Variants in SMARCA4 observed in about 807,000 individuals in gnomAD.
The protein encoded by SMARCA4 is SWI/SNF related BAF chromatin remodeling complex subunit ATPase 4.
Under a neutral mutation model 193.9 loss-of-function variants are expected in SMARCA4, and 31 were observed. The observed-to-expected ratio is 0.16, with a 90% CI of 0.12 to 0.22. The LOEUF is 0.22. Ranked by LOEUF, SMARCA4 falls within the 10% of genes least tolerant of loss-of-function variation. The pLI, the probability that SMARCA4 is intolerant of heterozygous loss-of-function variation, is 1.00. For missense variants in SMARCA4, 1,148 were observed against 2,296.0 expected, an observed-to-expected ratio of 0.50 and a Z score of 10.22; for synonymous variants, 942 against 933.1, an observed-to-expected ratio of 1.01 and a Z score of -0.17.
rs2072382 is a variant in SMARCA4 at position 11,041,974 on chromosome 19, C to T, written c.4424+414C>T. On this transcript the variant is annotated intron_variant, in intron 30 of 34. Transcript: ENST00000344626. The surrounding 1 kb of genome is among the most constrained non-coding windows in gnomAD (Gnocchi z 5.6). ...GGTTATATGGCAGTAATGGGTGCTG[C>T]CCGTGTGGCCAGGAGGTTGGGGACA... Among the ~76,000 whole-genome samples, 10,542 of 152,126 alleles carry T rather than the reference C, an allele frequency of 0.069. 595 individuals are homozygous for T. Among genetic ancestry groups the T allele is most frequent in the East Asian group, 0.3 (1,565 of 5,156 alleles).
At position 11,027,856 on chromosome 19, in the gene SMARCA4, C is replaced by T. The variant is rs760295801; in HGVS notation, c.3288C>T (p.Asn1096=). 1.9e-6 allele frequency: 3 copies of T among 1,614,142 alleles called. No homozygotes were observed. Among genetic ancestry groups the T allele is most frequent in the Non-Finnish European group, 2.5e-6 (3 of 1,180,008 alleles). ...DRILPKLRAT[N]HKVLLFCQMT... ...TTCTTCCCAAACTCCGAGCAACCAA[C>T]CACAAAGTGCTGCTGTTCTGCCAAA... The change falls in exon 24 of 35, where the codon AAC becomes AAT. Residue 1096 remains asparagine, a synonymous_variant. Coordinates refer to ENST00000344626, the MANE Select transcript of SMARCA4 (RefSeq NM_003072.5).
intron 1 of SMARCA4, among the ~76,000 whole-genome samples, chr19:10,976,737 G>C (rs1411905708): frequency 1.4e-5 from 2 of 147,452 alleles, no homozygotes; most frequent in Non-Finnish European, 3.0e-5. Context: ...CTGGGAGACA[G>C]AGCGAGACCC....
At chr19:10,982,825 CAA>C (rs1164575072) in intron 1 of SMARCA4, among the ~76,000 whole-genome samples, 2 of 152,260 alleles carry the variant, frequency 1.3e-5, no homozygotes, top group East Asian at 1.9e-4. Context: ...CTTTTTAAAT[CAA>C]GAGAATTAAA....
chr19:11,011,676 A>G (rs2088861242), intron 15 of SMARCA4: 1 of 152,232 alleles, frequency 6.6e-6, no homozygotes, highest in African/African-American at 2.4e-5. Flanking sequence ...ACATAGTGAG[A>G]CACTGCCTCT....
intron 16 of SMARCA4, among the ~76,000 whole-genome samples, chr19:11,014,773 A>C (rs1901557248): frequency 6.6e-6 from 1 of 152,088 alleles, no homozygotes. Context: ...TGCTTTAAAA[A>C]ATTTTTTTAA....
Position 11,034,539 on chromosome 19 carries a change from C to T in SMARCA4, c.3951+339C>T, listed in dbSNP as rs922106640. Among the ~76,000 whole-genome samples the T allele has an allele frequency of 3.3e-5, 5 of 152,194 alleles. No homozygotes were observed. The highest frequency in any genetic ancestry group is 2.0e-4 in the Admixed American group (3 of 15,280). ...CCAAGGGACTGACCAGGCCTTCAGTCGCAGAGCCCCCTTGCCCCTGGGTGG... is the reference window on the plus strand; with the variant it reads ...CCAAGGGACTGACCAGGCCTTCAGTTGCAGAGCCCCCTTGCCCCTGGGTGG... On this transcript the variant is annotated intron_variant, in intron 28 of 34. Coordinates refer to ENST00000344626, the MANE Select transcript of SMARCA4 (RefSeq NM_003072.5). This position sits in a 1 kb window ranked among gnomAD's most constrained non-coding sequence, Gnocchi z 7.0.
chr19:11,009,007 C>CTTTTGTTTTTTTT (rs2088532960), intron 14 of SMARCA4, among the ~76,000 whole-genome samples: 1 of 40,948 alleles, frequency 2.4e-5, no homozygotes, highest in Non-Finnish European at 4.1e-5. Flanking sequence ...ATAAAAGTCA[C>CTTTTGTTTTTTTT]TTTTTTTTTT....
rs73500681 is a variant in SMARCA4, at chr19:11,038,698, G to A, written c.4171-2609G>A. ...GGTTCAAGTCACAGCTCTGTCCTCA[G>A]CGCCAGGCACAGTGCCCAGCTCACT... On this transcript the variant is annotated intron_variant, in intron 29 of 34. Transcript: ENST00000344626. Among the ~76,000 whole-genome samples, 310 of 152,318 alleles carry A rather than the reference G, an allele frequency of 2.0e-3. 1 individual carries two copies. The highest frequency in any genetic ancestry group is 7.1e-3 in the African/African-American group (295 of 41,574).
In SMARCA4 at chr19:11,019,249, G is replaced by A. The variant is rs1281902906; in HGVS notation, c.2505+226G>A. Reference sequence around the variant, plus strand: ...GGGAGGAGACAGGAGTGAGCATGGTGGCCAGCACTCAGAGGCCAGCTCAGG... The same window carrying A: ...GGGAGGAGACAGGAGTGAGCATGGTAGCCAGCACTCAGAGGCCAGCTCAGG... On this transcript the variant is annotated intron_variant, in intron 17 of 34. Coordinates refer to ENST00000344626, the MANE Select transcript of SMARCA4 (RefSeq NM_003072.5). This position sits in a 1 kb window ranked among gnomAD's most constrained non-coding sequence, Gnocchi z 6.1. 1 of 634,814 alleles carries A rather than the reference G, an allele frequency of 1.6e-6. No individual in the cohort carries two copies. Among genetic ancestry groups the A allele is most frequent in the East Asian group, 2.7e-5 (1 of 36,420 alleles). The allele number at this position is 634,814 out of a possible 1,614,324, so 39.3% of individuals were successfully genotyped here.
chr19:10,984,340 G>T lies in SMARCA4; in HGVS notation c.189G>T (p.Gly63=), dbSNP rs1555751018. Residue 63 remains glycine (G), a synonymous_variant, in exon 2 of 35, where the codon GGG becomes GGT. Transcript: ENST00000344626. The surrounding 1 kb of genome is among the most constrained non-coding windows in gnomAD (Gnocchi z 4.3). ...GHPIPTQGPG[G]YPQDNMHQMH... is the part of the protein sequence containing the mutation. ...CCATCCCCACCCAGGGGCCTGGAGG[G>T]TACCCTCAGGACAACATGCACCAGA... 6.3e-7 allele frequency: 1 copy of T among 1,596,980 alleles called. No individual in the cohort carries two copies. Among genetic ancestry groups the T allele is most frequent in the Non-Finnish European group, 8.5e-7 (1 of 1,171,934 alleles).
At chr19:11,044,044 T>C (rs2075765925) in intron 30 of SMARCA4, among the ~76,000 whole-genome samples, 1 of 152,112 alleles carries the variant, frequency 6.6e-6, no homozygotes, top group African/African-American at 2.4e-5. Flanking sequence ...ACCCTCCCCA[T>C]GTTTTATTTC....
Position 11,001,521 on chromosome 19 carries a change from A to G in SMARCA4, c.1813-1508A>G, listed in dbSNP as rs186814033. ...AGCCTCACTCCAGAGGAGTTCAATCAGAATTTTGGGTGTAGGGGAGGCATG... is the reference window on the plus strand; with the variant it reads ...AGCCTCACTCCAGAGGAGTTCAATCGGAATTTTGGGTGTAGGGGAGGCATG... On this transcript the variant is annotated intron_variant, in intron 11 of 34. Transcript: ENST00000344626. Among the ~76,000 whole-genome samples the G allele has an allele frequency of 7.0e-4, 106 of 152,320 alleles. 2 individuals are homozygous for G. The highest frequency in any genetic ancestry group is 2.3e-3 in the African/African-American group (97 of 41,582).
chr19:10,994,783 C>T (rs374515426), intron 8 of SMARCA4, 45 bp from the exon 9 acceptor site: 19 of 1,563,422 alleles, frequency 1.2e-5, no homozygotes, highest in Non-Finnish European at 1.7e-5. Context: ...GATGTGTCCA[C>T]CATGCTGCTG....
rs1599953658 is a variant in SMARCA4 at position 10,986,585 on chromosome 19, G to C, written c.752G>C (p.Arg251Thr). Reference protein sequence around the residue: ...GPGPAPPNYSRPHGMGGPNMP... With the variant: ...GPGPAPPNYSTPHGMGGPNMP... ...GGCCCGGCACCTCCAAATTACAGCA[G>C]GCCTCATGGTAAGACTGGCTGCCCT... The change falls in exon 4 of 35, where the codon AGG becomes ACG. Residue 251 changes from arginine (R) to threonine (T), a missense_variant. This residue lies in a region of SMARCA4 where 257 missense variants were observed against 276.5 expected (regional missense o/e 0.93). Transcript: ENST00000344626. This position sits in a 1 kb window ranked among gnomAD's most constrained non-coding sequence, Gnocchi z 6.7. The C allele has an allele frequency of 6.5e-7, 1 of 1,536,330 alleles. No individual in the cohort carries two copies. The highest frequency in any genetic ancestry group is 1.2e-5 in the South Asian group (1 of 84,048).
chr19:11,004,601 A>G (rs2088003376), intron 13 of SMARCA4, among the ~76,000 whole-genome samples: 1 of 152,292 alleles, frequency 6.6e-6, no homozygotes, highest in Middle Eastern at 3.4e-3. Context: ...TTCACATGGT[A>G]CATCTTTTTC....
intron 30 of SMARCA4, among the ~76,000 whole-genome samples, chr19:11,042,472 C>A (rs2075676090): frequency 6.6e-6 from 1 of 152,232 alleles, no homozygotes; most frequent in African/African-American, 2.4e-5. Flanking sequence ...ATTTCACTTC[C>A]TGGTACACAC....
Position 10,985,377 on chromosome 19 carries a change from G to A in SMARCA4, c.327G>A (p.Pro109=), listed in dbSNP as rs1021947977. ...RSGGHAGMGP[P]PSPMDQHSQG... ...GGGGCCATGCTGGGATGGGGCCCCCGCCCAGCCCCATGGACCAGCACTCCC... is the reference window on the plus strand; with the variant it reads ...GGGGCCATGCTGGGATGGGGCCCCCACCCAGCCCCATGGACCAGCACTCCC... Residue 109 remains proline (P), a synonymous_variant, in exon 3 of 35, where the codon CCG becomes CCA. Coordinates refer to ENST00000344626, the MANE Select transcript of SMARCA4 (RefSeq NM_003072.5). This position sits in a 1 kb window ranked among gnomAD's most constrained non-coding sequence, Gnocchi z 4.5. The A allele has an allele frequency of 7.4e-6, 12 of 1,613,808 alleles. No individual in the cohort carries two copies. The highest frequency in any genetic ancestry group is 1.7e-5 in the Admixed American group (1 of 60,008).
Position 10,988,691 on chromosome 19 carries a change from C to T in SMARCA4, c.1119-626C>T, listed in dbSNP as rs574961390. On this transcript the variant is annotated intron_variant, in intron 6 of 34. Coordinates refer to ENST00000344626, the MANE Select transcript of SMARCA4 (RefSeq NM_003072.5). Reference sequence around the variant, plus strand: ...CCTTCCTGTCACTTCCAGCCACTCTCTGGAATTGCAGTGGATATTTTATTT... The same window carrying T: ...CCTTCCTGTCACTTCCAGCCACTCTTTGGAATTGCAGTGGATATTTTATTT... 2.0e-5 allele frequency among the ~76,000 whole-genome samples: 3 copies of T among 151,794 alleles called. No homozygotes were observed. In the South Asian group the frequency reaches 6.3e-4, roughly 32 times the overall value.
chr19:11,037,392 C>T (rs1299841556), intron 29 of SMARCA4, among the ~76,000 whole-genome samples: 3 of 152,208 alleles, frequency 2.0e-5, no homozygotes, highest in Non-Finnish European at 2.9e-5. Context: ...GTTGGATTTG[C>T]ATTTCCCTGA....
Sources: gnomAD v4.1 joint callset for allele counts (sites outside exome capture counted in the v4.1 genomes callset) on GRCh38, gnomAD v4.1.1 for gene constraint, gnomAD v4.1.1 regional missense constraint, Gnocchi (gnomAD v3.1) non-coding constraint, MANE v1.5 for transcripts, NCBI Gene and HGNC (gene_info 2026-07-23, HGNC 2026-07-21) for gene names.